The following SH3RF2 variants were observed in gnomAD, a reference collection of about 807,000 sequenced individuals.
SH3RF2 encodes the protein E3 ubiquitin-protein ligase SH3RF2.
A neutral mutation model predicts 59.0 loss-of-function variants in SH3RF2; 43 were observed. That is an observed-to-expected ratio of 0.73 (90% CI 0.57 to 0.94). SH3RF2 has a LOEUF of 0.94. Among genes scored for constraint, SH3RF2 ranks in the 40% least tolerant of loss-of-function variants. SH3RF2 has a pLI of 0.00. For missense variants in SH3RF2, 930 were observed against 940.1 expected (o/e 0.99, Z 0.14); for synonymous variants, 391 against 391.5 (o/e 1.00, Z 0.01).
At chr5:146,003,086 T>C (rs1269444194) in intron 3 of SH3RF2, among the ~76,000 whole-genome samples, 1 of 152,194 alleles carries the variant, frequency 6.6e-6, no homozygotes, top group Non-Finnish European at 1.5e-5. Context: ...TCAGAAGGTC[T>C]TTAGTGGATG....
At chr5:145,955,704 G>T (rs189971405) in intron 2 of SH3RF2, among the ~76,000 whole-genome samples, 1 of 152,224 alleles carries the variant, frequency 6.6e-6, no homozygotes, top group African/African-American at 2.4e-5. Context: ...TAAGGATTGA[G>T]GTACCTGACC....
chr5:145,949,706 C>A (rs1024223135), intron 2 of SH3RF2, among the ~76,000 whole-genome samples: 2 of 152,138 alleles, frequency 1.3e-5, no homozygotes, highest in African/African-American at 4.8e-5. Flanking sequence ...CAGCAGTGTT[C>A]TTTTCCTATT....
At position 146,056,190 on chromosome 5, in the gene SH3RF2, A is replaced by C; in HGVS notation, c.1532A>C (p.Lys511Thr). ...PGTLGQGSLR[K>T]GRSSMRKNGS... Reference sequence around the variant, plus strand: ...ACTTTAGGACAAGGGTCTCTTCGGAAAGGGCGGAGCAGCATGAGAAAGAGT... The same window carrying C: ...ACTTTAGGACAAGGGTCTCTTCGGACAGGGCGGAGCAGCATGAGAAAGAGT... Residue 511 changes from lysine (K) to threonine (T), a missense_variant, in exon 8 of 10, where the codon AAA (lysine) becomes ACA (threonine). Lys to Thr is a moderately conservative substitution (Grantham distance 78). Transcript: ENST00000359120. 1 of 1,614,224 alleles carries C rather than the reference A, an allele frequency of 6.2e-7. No individual in the cohort carries two copies. The highest frequency in any genetic ancestry group is 8.5e-7 in the Non-Finnish European group (1 of 1,180,036).
chr5:146,062,274 T>G, intron 9 of SH3RF2, 152 bp from the exon 10 acceptor site: 1 of 970,528 alleles, frequency 1.0e-6, no homozygotes, highest in South Asian at 1.6e-5. Context: ...CTCAGCATCT[T>G]GTACTTCCCC....
intron 9 of SH3RF2, among the ~76,000 whole-genome samples, chr5:146,061,875 A>G (rs796252502): frequency 6.6e-6 from 1 of 152,082 alleles, no homozygotes; most frequent in South Asian, 2.1e-4. Flanking sequence ...GCAATCTCCC[A>G]ATTTTTATGT....
chr5:146,028,499 T>C (rs1288746089), intron 5 of SH3RF2, among the ~76,000 whole-genome samples: 1 of 152,256 alleles, frequency 6.6e-6, no homozygotes, highest in African/African-American at 2.4e-5. Flanking sequence ...TCAGCACTAT[T>C]GGCATTTTGA....
intron 2 of SH3RF2, among the ~76,000 whole-genome samples, chr5:145,987,483 C>T (rs1456957312): frequency 2.0e-5 from 3 of 152,164 alleles, no homozygotes; most frequent in Non-Finnish European, 2.9e-5. Flanking sequence ...ACAAAAGTCA[C>T]ACGACATAAC....
chr5:146,016,704 C>T (rs248784), intron 5 of SH3RF2, among the ~76,000 whole-genome samples: 94,389 of 151,982 alleles, frequency 0.62, 29,641 homozygotes, highest in Middle Eastern at 0.8. Flanking sequence ...CAAGACCACA[C>T]TAGGCAACAT....
intron 2 of SH3RF2, among the ~76,000 whole-genome samples, chr5:145,938,793 C>T (rs1258709662): frequency 6.6e-6 from 1 of 152,204 alleles, no homozygotes. Flanking sequence ...TGGCAATACT[C>T]ATTCATAATC....
chr5:145,957,050 T>C (rs1561708976), intron 2 of SH3RF2, among the ~76,000 whole-genome samples: 2 of 152,258 alleles, frequency 1.3e-5, no homozygotes, highest in African/African-American at 2.4e-5. Flanking sequence ...AAGAAAGCTT[T>C]GGCTGTCTTT....
intron 2 of SH3RF2, among the ~76,000 whole-genome samples, chr5:145,953,516 T>C (rs1355472926): frequency 2.0e-5 from 3 of 152,214 alleles, no homozygotes; most frequent in Non-Finnish European, 4.4e-5. Context: ...AGGCCATTCT[T>C]GCATTGCTAT....
chr5:146,014,875 A>G (rs916978665), intron 5 of SH3RF2, among the ~76,000 whole-genome samples: 3 of 152,204 alleles, frequency 2.0e-5, no homozygotes, highest in African/African-American at 7.2e-5. Context: ...CAGAAGCTGA[A>G]GTATTTCTAG....
At chr5:145,949,825 A>G (rs1481424801) in intron 2 of SH3RF2, among the ~76,000 whole-genome samples, 1 of 152,154 alleles carries the variant, frequency 6.6e-6, no homozygotes, top group Non-Finnish European at 1.5e-5. Context: ...CGAAAGAAAA[A>G]TAATTTGCAG....
intron 2 of SH3RF2, among the ~76,000 whole-genome samples, chr5:145,948,054 T>C (rs542568568): frequency 3.2e-4 from 49 of 152,316 alleles, no homozygotes; most frequent in African/African-American, 1.1e-3. Context: ...GAAGAACTGG[T>C]CAACTCTACA....
intron 4 of SH3RF2, among the ~76,000 whole-genome samples, chr5:146,007,529 G>T (rs1760695357): frequency 6.6e-6 from 1 of 152,166 alleles, no homozygotes; most frequent in African/African-American, 2.4e-5. Flanking sequence ...CCCATATGAG[G>T]TGCTTAAGTA....
intron 2 of SH3RF2, among the ~76,000 whole-genome samples, chr5:145,955,113 A>T (rs1302906375): frequency 1.3e-5 from 2 of 152,216 alleles, no homozygotes; most frequent in East Asian, 3.9e-4. Context: ...GTGGGGACAA[A>T]TATACAAACT....
chr5:145,953,339 A>G (rs1488738250), intron 2 of SH3RF2, among the ~76,000 whole-genome samples: 1 of 152,158 alleles, frequency 6.6e-6, no homozygotes, highest in East Asian at 1.9e-4. Context: ...ATGAGGGAGA[A>G]CATCCTGACC....
intron 2 of SH3RF2, among the ~76,000 whole-genome samples, chr5:145,968,491 C>T (rs1758950308): frequency 6.6e-6 from 1 of 151,896 alleles, no homozygotes; most frequent in Non-Finnish European, 1.5e-5. Context: ...TGTGTTTGTG[C>T]ATGTATGTGG....
At chr5:145,968,970 CT>C (rs999375018) in intron 2 of SH3RF2, among the ~76,000 whole-genome samples, 1 of 152,020 alleles carries the variant, frequency 6.6e-6, no homozygotes, top group Non-Finnish European at 1.5e-5. Context: ...ACATATAATT[CT>C]TTTTTACTTT....
Sources: allele counts gnomAD v4.1 joint callset (sites outside exome capture counted in the v4.1 genomes callset), GRCh38; gene constraint gnomAD v4.1.1; transcripts MANE v1.5; gene names NCBI Gene and HGNC (gene_info 2026-07-23, HGNC 2026-07-21).